ATP7B: variants seen among roughly 807,000 people sequenced by gnomAD.
The protein encoded by ATP7B is copper-transporting ATPase 2.
ATP7B carries 113 observed loss-of-function variants against 118.9 expected under a neutral mutation model. The ratio of observed to expected loss-of-function variants is 0.95; its 90% confidence interval spans 0.82 to 1.11. The LOEUF is 1.11. Among genes scored for constraint, ATP7B ranks in the 50% most tolerant of loss-of-function variants. The pLI is 0.00. For synonymous variants in ATP7B, 777 were observed against 727.4 expected (o/e 1.07, Z -1.10); for missense variants, 1,867 against 1,871.4 (o/e 1.00, Z 0.04).
intron 3 of ATP7B, among the ~76,000 whole-genome samples, chr13:51,969,567 C>T (rs1433209732): frequency 6.6e-6 from 1 of 151,986 alleles, no homozygotes; most frequent in Non-Finnish European, 1.5e-5. Context: ...CACAATCTTG[C>T]TAACACTATT....
At chr13:51,965,498 T>A (rs997432906) in intron 4 of ATP7B, among the ~76,000 whole-genome samples, 10 of 152,204 alleles carry the variant, frequency 6.6e-5, no homozygotes, top group Non-Finnish European at 1.3e-4. Context: ...ATTTTAGTGC[T>A]CTGCTGGCTC....
At chr13:51,955,917 C>A (rs2139430961) in intron 9 of ATP7B, among the ~76,000 whole-genome samples, 1 of 152,326 alleles carries the variant, frequency 6.6e-6, no homozygotes, top group Non-Finnish European at 1.5e-5. Context: ...GGGCTCTGTG[C>A]CTCCAGGGTT....
chr13:51,960,042 G>T, intron 7 of ATP7B, 106 bp downstream of exon 7: 1 of 1,413,800 alleles, frequency 7.1e-7, no homozygotes, highest in Non-Finnish European at 1.0e-6. Flanking sequence ...GCAATAAAGT[G>T]CCATTTAAAC....
In ATP7B at chr13:52,000,844, G is replaced by A. The variant is rs572482724; in HGVS notation, c.51+10443C>T. ...CAGAACAGCTTGGGCAACATAGTGAGACACCATCTCTTCAAAAAATAAAAA... is the reference window on the plus strand; with the variant it reads ...CAGAACAGCTTGGGCAACATAGTGAAACACCATCTCTTCAAAAAATAAAAA... On this transcript the variant is annotated intron_variant, in intron 1 of 20. Coordinates refer to ENST00000242839, the MANE Select transcript of ATP7B (RefSeq NM_000053.4). Among the ~76,000 whole-genome samples, 45 of 152,188 alleles carry A rather than the reference G, an allele frequency of 3.0e-4. 1 individual carries two copies. Among genetic ancestry groups the A allele is most frequent in the African/African-American group, 9.9e-4 (41 of 41,514 alleles).
upstream of ATP7B, chr13:52,011,615 C>A (rs1593893667): frequency 3.7e-5 from 21 of 564,724 alleles, no homozygotes; most frequent in East Asian, 6.1e-4. Context: ...GAGAGTGGGC[C>A]TCGGACCCTC....
chr13:51,944,058 G>A, intron 14 of ATP7B, 51 bp downstream of exon 14: 1 of 1,610,132 alleles, frequency 6.2e-7, no homozygotes, highest in Non-Finnish European at 8.5e-7. Context: ...ACATGGTGAG[G>A]AATAAAAGAG....
chr13:51,980,561 C>T (rs1952364933), intron 1 of ATP7B, among the ~76,000 whole-genome samples: 1 of 152,178 alleles, frequency 6.6e-6, no homozygotes, highest in African/African-American at 2.4e-5. Context: ...ATAAGCCATT[C>T]TGATATGAAG....
At chr13:52,004,506 T>C (rs1953679899) in intron 1 of ATP7B, among the ~76,000 whole-genome samples, 1 of 152,192 alleles carries the variant, frequency 6.6e-6, no homozygotes, top group African/African-American at 2.4e-5. Context: ...AAACAAAGCT[T>C]AGCTTAACCA....
At chr13:51,952,164 T>C (rs551828646) in intron 9 of ATP7B, among the ~76,000 whole-genome samples, 1 of 152,294 alleles carries the variant, frequency 6.6e-6, no homozygotes, top group Admixed American at 6.5e-5. Context: ...GTGGGACATG[T>C]CCTGCAGAGA....
chr13:51,947,673 T>C (rs956335116), intron 12 of ATP7B, among the ~76,000 whole-genome samples: 2 of 152,220 alleles, frequency 1.3e-5, no homozygotes, highest in Non-Finnish European at 2.9e-5. Flanking sequence ...AGGGATATAT[T>C]AAGATTTTTA....
At position 51,934,118 on chromosome 13, in the gene ATP7B, T is replaced by C. The variant is rs1033231524; in HGVS notation, c.*638A>G. 1.8e-5 allele frequency: 3 copies of C among 166,990 alleles called. No homozygotes were observed. The highest frequency in any genetic ancestry group is 4.0e-5 in the Non-Finnish European group (3 of 75,822). 10.3% of individuals were successfully genotyped at this position (166,990 alleles called of 1,614,324 possible). On this transcript the variant is annotated 3_prime_UTR_variant, in exon 21 of 21. Coordinates refer to ENST00000242839, the MANE Select transcript of ATP7B (RefSeq NM_000053.4). Reference sequence around the variant, plus strand: ...AAGCTGAAATGCACACTCCAGAGCATTGGAGAAGCGCCTGAGAGCAGCAGC... The same window carrying C: ...AAGCTGAAATGCACACTCCAGAGCACTGGAGAAGCGCCTGAGAGCAGCAGC...
At position 51,946,326 on chromosome 13, in the gene ATP7B, G is replaced by A; in HGVS notation, c.3018C>T (p.Gly1006=). 1.2e-6 allele frequency: 2 copies of A among 1,604,748 alleles called. No individual in the cohort carries two copies. The highest frequency in any genetic ancestry group is 1.7e-6 in the Non-Finnish European group (2 of 1,176,212). Residue 1006 remains glycine (G), a synonymous_variant, in exon 13 of 21, where the codon GGC becomes GGT. Transcript: ENST00000242839. ...GGGGCTTGCCTCCCTTGATGAGGAT[G>A]CCGTTCTGCGCGGCCACCCCGGTGC... ...MVGTGVAAQN[G]ILIKGGKPLE...
At chr13:51,999,740 A>G (rs920645848) in intron 1 of ATP7B, among the ~76,000 whole-genome samples, 9 of 152,084 alleles carry the variant, frequency 5.9e-5, no homozygotes, top group African/African-American at 2.2e-4. Context: ...ACGCACATCC[A>G]GGCTGGCTGC....
At position 51,961,869 on chromosome 13, in the gene ATP7B, A is replaced by T; in HGVS notation, c.1914T>A (p.Ala638=). The change falls in exon 6 of 21, where the codon GCT becomes GCA. Residue 638 remains alanine, a synonymous_variant. Transcript: ENST00000242839. The part of the protein sequence containing the change: ...HASLAQRNPN[A]HHLDHKMEIK... ...TTTCCATCTTGTGGTCCAAGTGATG[A>T]GCGTTGGGGTTTCTCTGGGCCAGGG... 6.2e-7 allele frequency: 1 copy of T among 1,613,920 alleles called. No individual in the cohort carries two copies. Among genetic ancestry groups the T allele is most frequent in the Non-Finnish European group, 8.5e-7 (1 of 1,179,910 alleles).
chr13:52,010,503 C>G (rs1361699043), intron 1 of ATP7B, among the ~76,000 whole-genome samples: 2 of 152,194 alleles, frequency 1.3e-5, no homozygotes, highest in Admixed American at 6.5e-5. Flanking sequence ...AACTATGATG[C>G]GTCCAAACTG....
intron 1 of ATP7B, among the ~76,000 whole-genome samples, chr13:51,995,104 A>G (rs1418494859): frequency 3.3e-5 from 5 of 152,200 alleles, no homozygotes; most frequent in African/African-American, 1.2e-4. Context: ...CTTACAAAAT[A>G]TTCTGAAAAT....
At chr13:51,946,162 T>C in intron 13 of ATP7B, 122 bp downstream of exon 13, 1 of 1,337,560 alleles carries the variant, frequency 7.5e-7, no homozygotes, top group South Asian at 1.4e-5. Flanking sequence ...ATACTTGACT[T>C]CCTATTCTAT....
chr13:51,942,317 G>A (rs2138839991), intron 15 of ATP7B, 69 bp downstream of exon 15: 1 of 1,603,940 alleles, frequency 6.2e-7, no homozygotes, highest in African/African-American at 1.3e-5. Flanking sequence ...TCACTGCTGG[G>A]CGTGGTGCTC....
intron 1 of ATP7B, among the ~76,000 whole-genome samples, chr13:52,009,556 T>G (rs559728610): frequency 6.6e-6 from 1 of 152,238 alleles, no homozygotes; most frequent in Non-Finnish European, 1.5e-5. Flanking sequence ...GCAACCACCT[T>G]GCCTTCCTTT....
Sources: allele counts gnomAD v4.1 joint callset (sites outside exome capture counted in the v4.1 genomes callset), GRCh38; gene constraint gnomAD v4.1.1; transcripts MANE v1.5; gene names NCBI Gene and HGNC (gene_info 2026-07-23, HGNC 2026-07-21).